ZDHHC14: variants seen among roughly 807,000 people sequenced by gnomAD.
ZDHHC14 encodes palmitoyltransferase ZDHHC14.
A neutral mutation model predicts 47.7 loss-of-function variants in ZDHHC14; 16 were observed. The observed-to-expected ratio is 0.34, with a 90% confidence interval of 0.23 to 0.51. The LOEUF is 0.51. Ranked by LOEUF, ZDHHC14 falls within the 20% of genes least tolerant of loss-of-function variation. The pLI is 0.97. For missense variants in ZDHHC14, 515 were observed against 662.5 expected (o/e 0.78, Z 2.44); for synonymous variants, 293 against 278.9 (o/e 1.05, Z -0.50).
intron 1 of ZDHHC14, among the ~76,000 whole-genome samples, chr6:157,479,885 C>G (rs908529274): frequency 6.6e-6 from 1 of 152,330 alleles, no homozygotes; most frequent in East Asian, 1.9e-4. Flanking sequence ...TGAATCTGAT[C>G]AGACAAGCCT....
At chr6:157,625,744 A>C (rs1232438787) in intron 3 of ZDHHC14, among the ~76,000 whole-genome samples, 1 of 152,026 alleles carries the variant, frequency 6.6e-6, no homozygotes, top group Non-Finnish European at 1.5e-5. Flanking sequence ...AACAGAGGAC[A>C]TGAAAAATAT....
intron 1 of ZDHHC14, among the ~76,000 whole-genome samples, chr6:157,522,987 T>TTCCTTCCTTCCTTCCTTC (rs1562461116): frequency 2.5e-4 from 9 of 35,484 alleles, no homozygotes; most frequent in African/African-American, 1.6e-3. Context: ...TTTCTTTTTC[T>TTCCTTCCTTCCTTCCTTC]TTTCTTTTCT....
chr6:157,471,364 T>C (rs555811196), intron 1 of ZDHHC14, among the ~76,000 whole-genome samples: 40 of 152,234 alleles, frequency 2.6e-4, no homozygotes, highest in African/African-American at 9.6e-4. Context: ...AGCGTTCACA[T>C]TTTCCCGATG....
At chr6:157,616,549 G>A (rs539553178) in intron 3 of ZDHHC14, among the ~76,000 whole-genome samples, 2 of 152,128 alleles carry the variant, frequency 1.3e-5, no homozygotes, top group Non-Finnish European at 2.9e-5. Context: ...GCGGCCCTGT[G>A]CCCAGCAGGA....
chr6:157,516,140 A>G (rs1780684611), intron 1 of ZDHHC14, among the ~76,000 whole-genome samples: 1 of 152,154 alleles, frequency 6.6e-6, no homozygotes, highest in Non-Finnish European at 1.5e-5. Flanking sequence ...TTTGCTCAAC[A>G]TATTTGCAAG....
chr6:157,638,387 G>A (rs1777084574), intron 5 of ZDHHC14, among the ~76,000 whole-genome samples: 1 of 152,208 alleles, frequency 6.6e-6, no homozygotes, highest in African/African-American at 2.4e-5. Flanking sequence ...AGAAGCAGAG[G>A]CAGTGGGGAG....
intron 2 of ZDHHC14, among the ~76,000 whole-genome samples, chr6:157,563,098 G>A (rs138445016): frequency 2.0e-5 from 3 of 152,318 alleles, no homozygotes; most frequent in Non-Finnish European, 2.9e-5. Flanking sequence ...CCAGGCACCC[G>A]GAGCTGGGCT....
At chr6:157,394,019 C>T (rs1777473388) in intron 1 of ZDHHC14, among the ~76,000 whole-genome samples, 1 of 152,152 alleles carries the variant, frequency 6.6e-6, no homozygotes. Flanking sequence ...TGTCCTCTGA[C>T]TCCCAGAAAG....
rs756229484 is a variant in ZDHHC14, at chr6:157,542,619, A to G, written c.280A>G (p.Ile94Val). 1 of 1,614,098 alleles carries G rather than the reference A, an allele frequency of 6.2e-7. No individual in the cohort carries two copies. The highest frequency in any genetic ancestry group is 1.1e-5 in the South Asian group (1 of 91,062). Residue 94 changes from isoleucine (I) to valine (V), a missense_variant, in exon 2 of 9, where the codon ATC becomes GTC. By Grantham distance (29) the Ile-to-Val change is conservative. Around this residue, in one of 4 missense-constraint regions of ZDHHC14, gnomAD observed 229 missense variants for 351.5 expected, o/e 0.65. Transcript: ENST00000359775. ...PYLAVKITPAIPAVAGILFFF... is the reference protein window; with the variant it reads ...PYLAVKITPAVPAVAGILFFF... ...CCTGGCGGTGAAAATCACCCCTGCC[A>G]TCCCTGCAGTCGCTGGCATCCTGTT...
intron 1 of ZDHHC14, among the ~76,000 whole-genome samples, chr6:157,534,197 C>T (rs576771164): frequency 3.6e-4 from 55 of 152,302 alleles, no homozygotes; most frequent in Admixed American, 1.1e-3. Flanking sequence ...CTACCCTGGA[C>T]GCTTGGTATG....
At chr6:157,448,507 A>T (rs1041304589) in intron 1 of ZDHHC14, among the ~76,000 whole-genome samples, 1 of 152,114 alleles carries the variant, frequency 6.6e-6, no homozygotes, top group African/African-American at 2.4e-5. Flanking sequence ...CCATATACTA[A>T]CCCTACTCTT....
At chr6:157,474,320 A>G (rs902573694) in intron 1 of ZDHHC14, among the ~76,000 whole-genome samples, 1 of 152,076 alleles carries the variant, frequency 6.6e-6, no homozygotes, top group Non-Finnish European at 1.5e-5. Context: ...TCATTTGTTA[A>G]TAGACACTTA....
rs1400194242 is a variant in ZDHHC14 at position 157,579,194 on chromosome 6, T to TTTTTG, written c.407-13790_407-13789insGTTTT. 1.7e-4 allele frequency among the ~76,000 whole-genome samples: 20 copies of TTTTTG among 116,506 alleles called. 1 individual carries two copies. The highest frequency in any genetic ancestry group is 1.7e-4 in the Non-Finnish European group (10 of 57,680). 76.4% of individuals were successfully genotyped at this position (116,506 alleles called of 152,430 possible). ...TTTTAATGATATTGATTCTGTGTTTTTTTTTTTTTTTTTTTTTTTTTTGGA... is the reference window on the plus strand; with the variant it reads ...TTTTAATGATATTGATTCTGTGTTTTTTTTGTTTTTTTTTTTTTTTTTTTTTTGGA... On this transcript the variant is annotated intron_variant, in intron 2 of 8. Coordinates refer to ENST00000359775, the MANE Select transcript of ZDHHC14 (RefSeq NM_024630.3).
chr6:157,392,333 A>T (rs1777433569), intron 1 of ZDHHC14, among the ~76,000 whole-genome samples: 4 of 152,034 alleles, frequency 2.6e-5, no homozygotes, highest in Admixed American at 2.0e-4. Context: ...TTTGATGCTG[A>T]TTTTTCTTGA....
At chr6:157,398,096 C>T (rs1033704545) in intron 1 of ZDHHC14, among the ~76,000 whole-genome samples, 2 of 150,232 alleles carry the variant, frequency 1.3e-5, no homozygotes, top group African/African-American at 4.9e-5. Context: ...CCCCCCCCGG[C>T]TCCCCAGATG....
chr6:157,521,782 A>T (rs1780924995), intron 1 of ZDHHC14, among the ~76,000 whole-genome samples: 1 of 152,234 alleles, frequency 6.6e-6, no homozygotes, highest in African/African-American at 2.4e-5. Context: ...TTCAGCAGTG[A>T]CAGGGCAGGA....
At chr6:157,505,081 A>C (rs1486785601) in intron 1 of ZDHHC14, among the ~76,000 whole-genome samples, 1 of 152,198 alleles carries the variant, frequency 6.6e-6, no homozygotes, top group African/African-American at 2.4e-5. Flanking sequence ...AAGTGTTGGG[A>C]TTACAGGCAT....
chr6:157,398,214 C>T (rs945406631), intron 1 of ZDHHC14, among the ~76,000 whole-genome samples: 2 of 152,144 alleles, frequency 1.3e-5, no homozygotes, highest in African/African-American at 4.8e-5. Flanking sequence ...GGTCCCTGGC[C>T]CAAGACTGAG....
intron 8 of ZDHHC14, among the ~76,000 whole-genome samples, 186 bp downstream of exon 8, chr6:157,653,813 G>A (rs1041313951): frequency 4.6e-5 from 7 of 152,194 alleles, no homozygotes; most frequent in Admixed American, 3.9e-4. Context: ...CCCAGGAAGC[G>A]TATGGCCACT....
Sources: gnomAD v4.1 joint callset for allele counts (sites outside exome capture counted in the v4.1 genomes callset) on GRCh38, gnomAD v4.1.1 for gene constraint, gnomAD v4.1.1 regional missense constraint, MANE v1.5 for transcripts, NCBI Gene and HGNC (gene_info 2026-07-23, HGNC 2026-07-21) for gene names.